The following VPS35L variants were observed in gnomAD, a reference collection of about 807,000 sequenced individuals.
The protein encoded by VPS35L is VPS35 endosomal protein sorting factor like, also known as VPS35 endosomal protein-sorting factor-like.
Under a neutral mutation model 133.0 loss-of-function variants are expected in VPS35L, and 83 were observed. The ratio of observed to expected loss-of-function variants is 0.62; its 90% CI spans 0.52 to 0.75. VPS35L has a LOEUF of 0.75. VPS35L is among the 30% of genes least tolerant of loss of function. The probability of loss-of-function intolerance (pLI) is 0.00; values close to 1 mark genes in which losing one functional copy is unlikely to be tolerated. For synonymous variants in VPS35L, 423 were observed against 449.9 expected (o/e 0.94, Z 0.76); for missense variants, 1,083 against 1,206.8 (o/e 0.90, Z 1.52).
chr16:19,656,550 G>A (rs1428623000), intron 26 of VPS35L, among the ~76,000 whole-genome samples: 32 of 151,504 alleles, frequency 2.1e-4, no homozygotes, highest in Admixed American at 1.8e-3. Context: ...CCACCTACAA[G>A]CCAGGTGCTC....
chr16:19,574,825 T>A (rs935187031), intron 4 of VPS35L, among the ~76,000 whole-genome samples: 4 of 152,116 alleles, frequency 2.6e-5, no homozygotes, highest in African/African-American at 9.7e-5. Flanking sequence ...CAAATGGCAG[T>A]AGTGTAGAGG....
chr16:19,591,014 T>G (rs1972026544), intron 7 of VPS35L, among the ~76,000 whole-genome samples: 1 of 152,102 alleles, frequency 6.6e-6, no homozygotes, highest in Non-Finnish European at 1.5e-5. Context: ...CTGTGACCCT[T>G]TGGCATGAAT....
intron 30 of VPS35L, among the ~76,000 whole-genome samples, chr16:19,700,005 G>T (rs1227651544): frequency 6.6e-6 from 1 of 152,174 alleles, no homozygotes; most frequent in East Asian, 1.9e-4. Context: ...GCTGAAGAGG[G>T]AGGATGGCTT....
intron 27 of VPS35L, among the ~76,000 whole-genome samples, chr16:19,674,725 C>T (rs987358958): frequency 6.6e-6 from 1 of 151,992 alleles, no homozygotes; most frequent in Non-Finnish European, 1.5e-5. Context: ...ATTCCCCTAC[C>T]CCCACCCCCT....
At chr16:19,563,075 C>T (rs1305163777) in intron 1 of VPS35L, among the ~76,000 whole-genome samples, 5 of 151,820 alleles carry the variant, frequency 3.3e-5, no homozygotes, top group South Asian at 2.1e-4. Context: ...GAGAGAATTT[C>T]GTAAAAGGAA....
chr16:19,578,174 A>G (rs1315278700), intron 5 of VPS35L: 2 of 430,270 alleles, frequency 4.6e-6, no homozygotes, highest in Non-Finnish European at 9.1e-6. Flanking sequence ...CTACAACAGT[A>G]GAGTTGAGTA....
chr16:19,653,496 G>A (rs1974200087), intron 26 of VPS35L, among the ~76,000 whole-genome samples: 1 of 152,186 alleles, frequency 6.6e-6, no homozygotes, highest in South Asian at 2.1e-4. Context: ...CAACTAACTT[G>A]CTTGGGGTAG....
intron 26 of VPS35L, 102 bp from the exon 27 acceptor site, chr16:19,669,058 T>G (rs1162625125): frequency 7.8e-7 from 1 of 1,280,910 alleles, no homozygotes; most frequent in African/African-American, 1.5e-5. Context: ...ATGGCCTGGC[T>G]TCTACCTAAC....
intron 3 of VPS35L, among the ~76,000 whole-genome samples, chr16:19,570,209 G>A (rs1358122237): frequency 6.6e-6 from 1 of 152,038 alleles, no homozygotes; most frequent in Non-Finnish European, 1.5e-5. Flanking sequence ...GGACAGGCAT[G>A]CACCACCATG....
chr16:19,558,922 CAA>C lies in VPS35L; in HGVS notation c.17+3191_17+3192del, dbSNP rs11294761. ...TGGATGACACAGTGAGACTCCGTCT[CAA>C]AAAAAAAAAAAAAACAACCCTTGGA... is the stretch of plus-strand genomic sequence containing the variant. On this transcript the variant is annotated intron_variant, in intron 1 of 30. Coordinates refer to ENST00000417362, the MANE Select transcript of VPS35L (RefSeq NM_020314.7). Among the ~76,000 whole-genome samples the C allele has an allele frequency of 1.1e-3, 135 of 120,136 alleles. 1 individual carries two copies. The South Asian group carries it at 0.013, about 11-fold the overall frequency. 78.8% of individuals were successfully genotyped at this position (120,136 alleles called of 152,430 possible).
chr16:19,562,947 T>C (rs1971073256), intron 1 of VPS35L, among the ~76,000 whole-genome samples: 2 of 151,946 alleles, frequency 1.3e-5, no homozygotes, highest in African/African-American at 4.8e-5. Context: ...ATTTATTTTG[T>C]AGAGATGGGG....
intron 27 of VPS35L, among the ~76,000 whole-genome samples, chr16:19,670,792 CT>C (rs1974849467): frequency 6.6e-6 from 1 of 152,172 alleles, no homozygotes. Flanking sequence ...CCCTGGGGGT[CT>C]GGCAGAGTGA....
chr16:19,656,182 T>G (rs1183064667), intron 26 of VPS35L, among the ~76,000 whole-genome samples: 2 of 149,680 alleles, frequency 1.3e-5, no homozygotes, highest in Non-Finnish European at 3.0e-5. Context: ...GAGAATCGCT[T>G]GAACCCAGGA....
At chr16:19,557,508 C>A (rs79038844) in intron 1 of VPS35L, among the ~76,000 whole-genome samples, 1 of 152,014 alleles carries the variant, frequency 6.6e-6, no homozygotes, top group Non-Finnish European at 1.5e-5. Context: ...CTCACTCTCC[C>A]GAGTAGCTGG....
rs142464486 is a variant in VPS35L at position 19,682,306 on chromosome 16, G to A, written c.2443G>A (p.Asp815Asn). The change falls in exon 28 of 31, where the codon GAT becomes AAT. Residue 815 changes from aspartate (D) to asparagine (N), a missense_variant. Physicochemically the swap from Asp to Asn is conservative, Grantham distance 23. Transcript: ENST00000417362. ...IQDYTWEDNS[D>N]EKIRIYTCVL... ...GGACTACACCTGGGAGGACAACAGC[G>A]ATGAGAAAATCCGCATCTACACCTG... 8.2e-5 allele frequency: 132 copies of A among 1,613,496 alleles called. No homozygotes were observed. In the African/African-American group the frequency reaches 1.2e-3, roughly 15 times the overall value.
intron 29 of VPS35L, among the ~76,000 whole-genome samples, chr16:19,695,404 A>T (rs1321044034): frequency 6.6e-6 from 1 of 152,232 alleles, no homozygotes; most frequent in Non-Finnish European, 1.5e-5. Context: ...AGAGGGGTTG[A>T]TGGTGATAGT....
At chr16:19,684,526 C>T (rs968226418) in intron 28 of VPS35L, among the ~76,000 whole-genome samples, 3 of 152,162 alleles carry the variant, frequency 2.0e-5, no homozygotes, top group African/African-American at 7.2e-5. Flanking sequence ...ATGGCGCCTA[C>T]CCTGATCTGA....
intron 27 of VPS35L, among the ~76,000 whole-genome samples, chr16:19,674,853 C>T (rs946445504): frequency 1.3e-5 from 2 of 151,996 alleles, no homozygotes; most frequent in Admixed American, 6.6e-5. Context: ...TTAATGCTTT[C>T]GAGGGTCATC....
In VPS35L at chr16:19,652,140, A is replaced by ACTTG. The variant is rs532047295; in HGVS notation, c.2221+52_2221+53insTGCT. On this transcript the variant is annotated intron_variant, in intron 26 of 30. Coordinates refer to ENST00000417362, the MANE Select transcript of VPS35L (RefSeq NM_020314.7). ...GGGCACTCCCTTGCTGCTTAGGAAA[A>ACTTG]CTGACTCAGGTGTGTGCGTATGTGT... 4,620 of 1,318,684 alleles carry ACTTG rather than the reference A, an allele frequency of 3.5e-3. 14 individuals carry two copies. Among genetic ancestry groups the ACTTG allele is most frequent in the Non-Finnish European group, 4.5e-3 (4,232 of 932,046 alleles). 81.7% of individuals were successfully genotyped at this position (1,318,684 alleles called of 1,614,324 possible). A position where few individuals can be genotyped will look rare whatever the true frequency, so the allele number is the denominator to read the frequency against.
Sources: allele counts gnomAD v4.1 joint callset (sites outside exome capture counted in the v4.1 genomes callset), GRCh38; gene constraint gnomAD v4.1.1; transcripts MANE v1.5; gene names NCBI Gene and HGNC (gene_info 2026-07-23, HGNC 2026-07-21).